PFKP: variants seen among roughly 807,000 people sequenced by gnomAD.
The protein encoded by PFKP is ATP-dependent 6-phosphofructokinase, platelet type.
PFKP carries 101 observed loss-of-function variants against 94.3 expected under a neutral mutation model. The ratio of observed to expected loss-of-function variants is 1.07; its 90% CI spans 0.91 to 1.26. PFKP has a LOEUF of 1.26. PFKP is among the 50% of genes most tolerant of loss of function. The probability of loss-of-function intolerance (pLI) is 0.00; values close to 1 mark genes in which losing one functional copy is unlikely to be tolerated. For missense variants in PFKP, 1,145 were observed against 1,103.3 expected, an observed-to-expected ratio of 1.04 and a Z score of -0.53; for synonymous variants, 573 against 432.6, an observed-to-expected ratio of 1.32 and a Z score of -4.03.
At chr10:3,125,630 G>C (rs1837868407) in intron 16 of PFKP, among the ~76,000 whole-genome samples, 1 of 152,234 alleles carries the variant, frequency 6.6e-6, no homozygotes, top group Non-Finnish European at 1.5e-5. Context: ...CTCCAGGACA[G>C]AGCCGTACCC....
At chr10:3,068,661 C>A (rs886718587) in intron 1 of PFKP, 2 of 985,344 alleles carry the variant, frequency 2.0e-6, no homozygotes, top group African/African-American at 1.7e-5. Flanking sequence ...GGCGGAGACT[C>A]GGCGCGCCCC....
intron 19 of PFKP, 23 bp downstream of exon 19, chr10:3,133,337 GGCCACAAA>G: frequency 2.8e-6 from 4 of 1,439,158 alleles, no homozygotes; most frequent in Non-Finnish European, 3.9e-6. Context: ...CTGCATGAGG[GGCCACAAA>G]GCCCCTGTCA....
At chr10:3,082,590 T>TGGC (rs1833174090) in intron 2 of PFKP, 129 bp downstream of exon 2, 1 of 535,060 alleles carries the variant, frequency 1.9e-6, no homozygotes, top group Non-Finnish European at 3.2e-6. Flanking sequence ...GGGAGCAAGA[T>TGGC]CCTGCCAGCC....
rs199883501 is a variant in PFKP, at chr10:3,133,188, T to C, written c.1911-15T>C. On this transcript the variant is annotated splice_polypyrimidine_tract_variant and intron_variant, in intron 18 of 21. Coordinates refer to ENST00000381125, the MANE Select transcript of PFKP (RefSeq NM_002627.5). ...CTGCACGCTAAACAAAGTGACTCCT[T>C]CTCGCTCGTTTCAGAAATGAGAGCT... 323 of 1,599,820 alleles carry C rather than the reference T, an allele frequency of 2.0e-4. 1 individual carries two copies. The highest frequency in any genetic ancestry group is 1.2e-3 in the Middle Eastern group (7 of 5,966).
chr10:3,086,216 G>A (rs1243398190), intron 2 of PFKP, among the ~76,000 whole-genome samples: 1 of 152,200 alleles, frequency 6.6e-6, no homozygotes, highest in African/African-American at 2.4e-5. Flanking sequence ...GGCTGCTCCT[G>A]TTCCCGCGGC....
intron 4 of PFKP, among the ~76,000 whole-genome samples, chr10:3,102,918 C>T (rs972408272): frequency 6.6e-6 from 1 of 152,240 alleles, no homozygotes; most frequent in African/African-American, 2.4e-5. Flanking sequence ...TGGCACAGCA[C>T]AGTGAGTGCA....
intron 1 of PFKP, among the ~76,000 whole-genome samples, chr10:3,080,694 T>C (rs567185475): frequency 6.7e-6 from 1 of 150,186 alleles, no homozygotes; most frequent in African/African-American, 2.5e-5. Context: ...GTTACTTCAT[T>C]TGTTTTTTTT....
chr10:3,086,832 G>T (rs1034529398), intron 2 of PFKP, among the ~76,000 whole-genome samples: 2 of 152,152 alleles, frequency 1.3e-5, no homozygotes, highest in African/African-American at 2.4e-5. Flanking sequence ...GTCACTGTGT[G>T]CTGTAGTCGC....
intron 16 of PFKP, among the ~76,000 whole-genome samples, chr10:3,121,299 G>A (rs1243382644): frequency 6.6e-6 from 1 of 152,210 alleles, no homozygotes; most frequent in African/African-American, 2.4e-5. Flanking sequence ...TGCTGCTGCG[G>A]GGCTGGCCCG....
In PFKP at chr10:3,136,717, CCA is replaced by C. The variant is rs967144750; in HGVS notation, c.*139_*140del. ...CGAGTGCCCATCTGCCCCACCTGCT[CCA>C]GTGCGTGCTGTCTGTGGAGTGTGTC... On this transcript the variant is annotated 3_prime_UTR_variant, in exon 22 of 22. Transcript: ENST00000381125. The C allele has an allele frequency of 3.9e-4, 301 of 765,834 alleles. No individual in the cohort carries two copies. In the African/African-American group the frequency reaches 4.7e-3, roughly 12 times the overall value. The allele number at this position is 765,834 out of a possible 1,614,324, so 47.4% of individuals were successfully genotyped here.
At chr10:3,071,319 A>G (rs1272612413) in intron 1 of PFKP, among the ~76,000 whole-genome samples, 1 of 150,842 alleles carries the variant, frequency 6.6e-6, no homozygotes, top group East Asian at 1.9e-4. Flanking sequence ...TCTCTTTTCT[A>G]TATTCCCGAC....
At chr10:3,109,899 G>C (rs567490240) in intron 10 of PFKP, among the ~76,000 whole-genome samples, 1 of 151,454 alleles carries the variant, frequency 6.6e-6, no homozygotes, top group East Asian at 1.9e-4. Context: ...GGGGCAGAGG[G>C]GGCAGGGAGG....
At chr10:3,093,154 G>C (rs995808362) in intron 2 of PFKP, among the ~76,000 whole-genome samples, 1 of 152,162 alleles carries the variant, frequency 6.6e-6, no homozygotes, top group Non-Finnish European at 1.5e-5. Context: ...CAAAGAGCAG[G>C]TGACAGCATT....
intron 3 of PFKP, among the ~76,000 whole-genome samples, chr10:3,100,031 G>A (rs1243270694): frequency 6.7e-6 from 1 of 149,946 alleles, no homozygotes; most frequent in Non-Finnish European, 1.5e-5. Flanking sequence ...GTGTATATGT[G>A]GTGTCCTTGT....
intron 8 of PFKP, chr10:3,108,000 T>C (rs1174627986): frequency 7.8e-7 from 1 of 1,289,704 alleles, no homozygotes; most frequent in Non-Finnish European, 1.0e-6. Context: ...TGTGCTTTGT[T>C]ATGGTCAGTT....
intron 2 of PFKP, among the ~76,000 whole-genome samples, chr10:3,095,252 C>T (rs376801631): frequency 6.6e-5 from 10 of 152,026 alleles, no homozygotes; most frequent in Admixed American, 5.2e-4. Flanking sequence ...GTGAACTACG[C>T]GCATAGGTGA....
At chr10:3,091,584 G>A (rs1038380135) in intron 2 of PFKP, among the ~76,000 whole-genome samples, 1 of 152,176 alleles carries the variant, frequency 6.6e-6, no homozygotes, top group African/African-American at 2.4e-5. Flanking sequence ...GGAGGCTGAG[G>A]CGGATGGATC....
intron 14 of PFKP, among the ~76,000 whole-genome samples, chr10:3,117,881 T>G (rs1286055380): frequency 6.6e-6 from 1 of 152,212 alleles, no homozygotes. Flanking sequence ...AGGTTTGCAC[T>G]TAGCTGCATT....
At chr10:3,107,939 G>A (rs1289023286) in intron 8 of PFKP, 1 of 1,289,692 alleles carries the variant, frequency 7.8e-7, no homozygotes, top group South Asian at 1.2e-5. Flanking sequence ...GGCTCCAGCA[G>A]CCACGGGGCA....
Sources: allele counts gnomAD v4.1 joint callset (sites outside exome capture counted in the v4.1 genomes callset), GRCh38; gene constraint gnomAD v4.1.1; transcripts MANE v1.5; gene names NCBI Gene and HGNC (gene_info 2026-07-23, HGNC 2026-07-21).